TUBG2: variants seen among roughly 807,000 people sequenced by gnomAD.
TUBG2 encodes the protein tubulin gamma 2, also known as tubulin gamma-2 chain.
In TUBG2, 39 loss-of-function variants were observed where a neutral mutation model predicts 55.1. The ratio of observed to expected loss-of-function variants is 0.71; its 90% CI spans 0.55 to 0.93. TUBG2 has a LOEUF of 0.93. Ranked by LOEUF, TUBG2 falls within the 40% of genes least tolerant of loss-of-function variation. The pLI, the probability that TUBG2 is intolerant of heterozygous loss-of-function variation, is 0.00. For synonymous variants in TUBG2, 223 were observed against 241.0 expected, an observed-to-expected ratio of 0.93 and a Z score of 0.69; for missense variants, 358 against 599.1, an observed-to-expected ratio of 0.60 and a Z score of 4.20.
intron 4 of TUBG2, chr17:42,661,531 A>G (rs932106001): frequency 6.6e-6 from 1 of 152,194 alleles, no homozygotes; most frequent in Non-Finnish European, 1.5e-5. Context: ...CAATGATTTA[A>G]TCGGTCATGC....
Position 42,663,471 on chromosome 17 carries a change from C to G in TUBG2, c.574C>G (p.Leu192Val), listed in dbSNP as rs774267336. The change falls in exon 6 of 11, where the codon CTC (leucine) becomes GTC (valine). Residue 192 changes from leucine (L) to valine (V), a missense_variant. Physicochemically the swap from Leu to Val is conservative, Grantham distance 32. Around this residue, in one of 8 missense-constraint regions of TUBG2, gnomAD observed 52 missense variants for 53.8 expected, o/e 0.97. Transcript: ENST00000251412. ...VVQPYNSLLT[L>V]KRLTQNADCV... ...TCAGCCCTACAATTCACTCCTGACACTCAAGAGGCTGACGCAGAACGCAGA... is the reference window on the plus strand; with the variant it reads ...TCAGCCCTACAATTCACTCCTGACAGTCAAGAGGCTGACGCAGAACGCAGA... 6.2e-7 allele frequency: 1 copy of G among 1,614,128 alleles called. No homozygotes were observed.
In TUBG2 at chr17:42,659,404, G is replaced by A; in HGVS notation, c.-100G>A. 1 of 1,293,092 alleles carries A rather than the reference G, an allele frequency of 7.7e-7. No homozygotes were observed. Among genetic ancestry groups the A allele is most frequent in the Non-Finnish European group, 1.1e-6 (1 of 951,826 alleles). The allele number at this position is 1,293,092 out of a possible 1,614,324, so 80.1% of individuals were successfully genotyped here. A position where few individuals can be genotyped will look rare whatever the true frequency, so the allele number is the denominator to read the frequency against. ...GAGCATCCGCGTCAAGAGGCGAAGAGAGCGCGCGCTCCCCACGTCCTGCGC... is the reference window on the plus strand; with the variant it reads ...GAGCATCCGCGTCAAGAGGCGAAGAAAGCGCGCGCTCCCCACGTCCTGCGC... On this transcript the variant is annotated 5_prime_UTR_variant, in exon 1 of 11. Transcript: ENST00000251412.
rs943278488 is a variant in TUBG2 at position 42,662,917 on chromosome 17, G to A, written c.400-56G>A. 5 of 1,562,750 alleles carry A rather than the reference G, an allele frequency of 3.2e-6. No individual in the cohort carries two copies. In the South Asian group the frequency reaches 5.7e-5, roughly 18 times the overall value. ...ACCCCACCCATCTGGTATCAGAATT[G>A]TGTTGTGAGAGTGTGGCAGGAGAAA... On this transcript the variant is annotated intron_variant, in intron 4 of 10. Transcript: ENST00000251412.
rs1342796786 is a variant in TUBG2 at position 42,660,629 on chromosome 17, C to T, written c.331-10C>T. 6.2e-7 allele frequency: 1 copy of T among 1,613,430 alleles called. No homozygotes were observed. Among genetic ancestry groups the T allele is most frequent in the Admixed American group, 1.7e-5 (1 of 59,998 alleles). On this transcript the variant is annotated splice_polypyrimidine_tract_variant and intron_variant, in intron 3 of 10. Transcript: ENST00000251412. ...TTGGCCTGACCCTCCCTTTCCATAT[C>T]TCTATACAGGGTGAGAAAATTCATG...
At position 42,665,163 on chromosome 17, in the gene TUBG2, T is replaced by C. The variant is rs368086780; in HGVS notation, c.607-313T>C. 1.5e-4 allele frequency among the ~76,000 whole-genome samples: 23 copies of C among 152,262 alleles called. No individual in the cohort carries two copies. The East Asian group carries it at 4.4e-3, about 29-fold the overall frequency. On this transcript the variant is annotated intron_variant, in intron 6 of 10. Transcript: ENST00000251412. The stretch of plus-strand genomic sequence containing the variant: ...CCCGGGTTCATGCCATTCTCCTGCC[T>C]CAGCCTCCGAATTAGCTGGGACTAC...
rs148074116 is a variant in TUBG2 at position 42,664,764 on chromosome 17, G to T, written c.607-712G>T. Among the ~76,000 whole-genome samples, 139 of 151,604 alleles carry T rather than the reference G, an allele frequency of 9.2e-4. 1 individual carries two copies. The Middle Eastern group carries it at 0.01, about 11-fold the overall frequency. On this transcript the variant is annotated intron_variant, in intron 6 of 10. Coordinates refer to ENST00000251412, the MANE Select transcript of TUBG2 (RefSeq NM_016437.3). ...GTGTATGGCACATGTGGGTACTCACGTGTTTGTTTACTGCCCTGCGTAGTC... is the reference window on the plus strand; with the variant it reads ...GTGTATGGCACATGTGGGTACTCACTTGTTTGTTTACTGCCCTGCGTAGTC...
At position 42,662,967 on chromosome 17, in the gene TUBG2, A is replaced by G. The variant is rs776919802; in HGVS notation, c.400-6A>G. 2 of 1,613,744 alleles carry G rather than the reference A, an allele frequency of 1.2e-6. No individual in the cohort carries two copies. Among genetic ancestry groups the G allele is most frequent in the Non-Finnish European group, 1.7e-6 (2 of 1,179,898 alleles). ...ACTGAGTCTGTTTATTCCTGTATAC[A>G]CACAGGGCTTCGTGCTGTGTCACTC... On this transcript the variant is annotated splice_polypyrimidine_tract_variant and splice_region_variant and intron_variant, in intron 4 of 10. Transcript: ENST00000251412.
At position 42,666,692 on chromosome 17, in the gene TUBG2, C is replaced by G; in HGVS notation, c.1248C>G (p.Asp416Glu). ...TCCGTAAGGAGGACATGTTCAAGGACAACTTTGATGAGATGGACAGGTCTA... is the reference window on the plus strand; with the variant it reads ...TCCGTAAGGAGGACATGTTCAAGGAGAACTTTGATGAGATGGACAGGTCTA... ...EQFRKEDMFK[D>E]NFDEMDRSRE... The change falls in exon 11 of 11, where the codon GAC (aspartate) becomes GAG (glutamate). Residue 416 changes from aspartate (D) to glutamate (E), a missense_variant. This residue lies in a region of TUBG2 where 54 missense variants were observed against 50.2 expected (regional missense o/e 1.08). Transcript: ENST00000251412. 6.2e-7 allele frequency: 1 copy of G among 1,614,146 alleles called. No individual in the cohort carries two copies. Among genetic ancestry groups the G allele is most frequent in the South Asian group, 1.1e-5 (1 of 91,086 alleles).
At chr17:42,665,082 C>T (rs1484600463) in intron 6 of TUBG2, among the ~76,000 whole-genome samples, 1 of 151,850 alleles carries the variant, frequency 6.6e-6, no homozygotes, top group African/African-American at 2.4e-5. Flanking sequence ...GAGTCTTGCT[C>T]TGTCCCCCAG....
chr17:42,666,197 C>T lies in TUBG2; in HGVS notation c.954C>T (p.Ile318=), dbSNP rs547364524. ...ACCGCCAGACCAACCACTGCTACAT[C>T]GCCATCCTCAACATCATCCAGGGAG... ...GRDRQTNHCY[I]AILNIIQGEV... Residue 318 remains isoleucine, a synonymous_variant, in exon 9 of 11, where the codon ATC becomes ATT. Transcript: ENST00000251412. 5.6e-6 allele frequency: 9 copies of T among 1,614,006 alleles called. No individual in the cohort carries two copies. Among genetic ancestry groups the T allele is most frequent in the East Asian group, 4.5e-5 (2 of 44,882 alleles).
At position 42,665,517 on chromosome 17, in the gene TUBG2, C is replaced by A. The variant is rs536564774; in HGVS notation, c.648C>A (p.Asp216Glu). 10 of 1,614,158 alleles carry A rather than the reference C, an allele frequency of 6.2e-6. No homozygotes were observed. Among genetic ancestry groups the A allele is most frequent in the Non-Finnish European group, 8.5e-6 (10 of 1,180,032 alleles). ...DNTALNRIAT[D>E]RLHIQNPSFS... ...CAGCCCTGAACCGGATTGCCACAGA[C>A]CGCCTGCACATCCAGAACCCGTCCT... Residue 216 changes from aspartate (D) to glutamate (E), a missense_variant, in exon 7 of 11, where the codon GAC (aspartate) becomes GAA (glutamate). Coordinates refer to ENST00000251412, the MANE Select transcript of TUBG2 (RefSeq NM_016437.3).
rs754262654 is a variant in TUBG2, at chr17:42,660,365, A to G, written c.330+49A>G. On this transcript the variant is annotated intron_variant, in intron 3 of 10. Coordinates refer to ENST00000251412, the MANE Select transcript of TUBG2 (RefSeq NM_016437.3). The stretch of plus-strand genomic sequence containing the variant: ...ACCTTTGATATTCCCATCCAGAGGC[A>G]AGGCAGGCTCAAGCTACTAGGAATT... 2.5e-6 allele frequency: 4 copies of G among 1,611,392 alleles called. No homozygotes were observed. In the East Asian group the frequency reaches 8.9e-5, roughly 36 times the overall value.
At chr17:42,663,896 T>C (rs935735120) in intron 6 of TUBG2, among the ~76,000 whole-genome samples, 2 of 151,434 alleles carry the variant, frequency 1.3e-5, no homozygotes, top group South Asian at 4.2e-4. Context: ...GGAGCTGAGA[T>C]TGCAGCATTG....
rs2052560933 is a variant in TUBG2 at position 42,666,821 on chromosome 17, T to C, written c.*21T>C. On this transcript the variant is annotated 3_prime_UTR_variant, in exon 11 of 11. Coordinates refer to ENST00000251412, the MANE Select transcript of TUBG2 (RefSeq NM_016437.3). ...AGTGATTTCCCTCCCCACTACTCCT[T>C]CTCCTTCTAGATGGTAACCACAGCC... is the stretch of plus-strand genomic sequence containing the variant. 6.2e-7 allele frequency: 1 copy of C among 1,612,944 alleles called. No homozygotes were observed.
chr17:42,663,875 G>A (rs1024442125), intron 6 of TUBG2, among the ~76,000 whole-genome samples: 6 of 151,622 alleles, frequency 4.0e-5, no homozygotes, highest in South Asian at 4.2e-4. Flanking sequence ...CCTGGGAGGT[G>A]GAGGTTGCAA....
chr17:42,666,541 A>T, intron 10 of TUBG2, 57 bp downstream of exon 10: 1 of 1,613,516 alleles, frequency 6.2e-7, no homozygotes, highest in Non-Finnish European at 8.5e-7. Flanking sequence ...CACCTTCATC[A>T]TCTTCCCCAA....
At chr17:42,662,563 G>A (rs926053752) in intron 4 of TUBG2, among the ~76,000 whole-genome samples, 38 of 151,674 alleles carry the variant, frequency 2.5e-4, no homozygotes, top group African/African-American at 8.5e-4. Flanking sequence ...CCAAGATCGG[G>A]CCATTGCACT....
Position 42,660,456 on chromosome 17 carries a change from G to A in TUBG2, c.330+140G>A, listed in dbSNP as rs2052357112. 3.0e-5 allele frequency: 44 copies of A among 1,454,172 alleles called. 1 individual carries two copies. In the South Asian group the frequency reaches 5.6e-4, roughly 19 times the overall value. The allele number at this position is 1,454,172 out of a possible 1,614,324, so 90.1% of individuals were successfully genotyped here. On this transcript the variant is annotated intron_variant, in intron 3 of 10. Transcript: ENST00000251412. ...GAACAAGAGGGACAGCCAGGGAGAG[G>A]TTTATGCAAATTTTGTGCAAATCAT...
chr17:42,660,474 C>T, intron 3 of TUBG2, 158 bp downstream of exon 3: 2 of 1,377,298 alleles, frequency 1.5e-6, no homozygotes, highest in Admixed American at 4.2e-5. Context: ...AAATTTTGTG[C>T]AAATCATTTG....
Sources: allele counts gnomAD v4.1 joint callset (sites outside exome capture counted in the v4.1 genomes callset), GRCh38; gene constraint gnomAD v4.1.1; regional missense constraint gnomAD v4.1.1; transcripts MANE v1.5; gene names NCBI Gene and HGNC (gene_info 2026-07-23, HGNC 2026-07-21).